Variants in TRIOBP observed in about 807,000 individuals in gnomAD.
TRIOBP encodes the protein TRIO and F-actin binding protein, also known as TRIO and F-actin-binding protein.
In TRIOBP, 169 loss-of-function variants were observed where a neutral mutation model predicts 238.8. The observed-to-expected ratio is 0.71, with a 90% confidence interval of 0.62 to 0.80. TRIOBP has a LOEUF of 0.80. Among genes scored for constraint, TRIOBP ranks in the 30% least tolerant of loss-of-function variants. The pLI, the probability that TRIOBP is intolerant of heterozygous loss-of-function variation, is 0.00. For synonymous variants in TRIOBP, 1,150 were observed against 1,274.4 expected, an observed-to-expected ratio of 0.90 and a Z score of 2.08; for missense variants, 2,838 against 3,122.6, an observed-to-expected ratio of 0.91 and a Z score of 2.17.
chr22:37,749,687 C>T (rs1925475819), intron 11 of TRIOBP, among the ~76,000 whole-genome samples: 1 of 149,842 alleles, frequency 6.7e-6, no homozygotes, highest in African/African-American at 2.5e-5. Context: ...TGGCTCACAC[C>T]TATAATCCCA....
chr22:37,732,068 G>A lies in TRIOBP; in HGVS notation c.3948-1230G>A, dbSNP rs554691086. On this transcript the variant is annotated intron_variant, in intron 7 of 23. Transcript: ENST00000644935. The stretch of plus-strand genomic sequence containing the variant: ...GCTTCTCTTCCTGGTTCAGTTCATC[G>A]ACCAAAGACATGGCTCCATTTGCTA... Among the ~76,000 whole-genome samples the A allele has an allele frequency of 2.4e-4, 37 of 152,272 alleles. No homozygotes were observed. In the South Asian group the frequency reaches 7.5e-3, roughly 31 times the overall value.
chr22:37,770,832 G>C (rs1051487408), intron 21 of TRIOBP, among the ~76,000 whole-genome samples: 6 of 151,868 alleles, frequency 4.0e-5, no homozygotes, highest in African/African-American at 1.2e-4. Flanking sequence ...ACAGGCACCC[G>C]CCACCACACC....
At position 37,724,529 on chromosome 22, in the gene TRIOBP, C is replaced by A; in HGVS notation, c.1973C>A (p.Pro658His). 1 of 1,602,152 alleles carries A rather than the reference C, an allele frequency of 6.2e-7. No individual in the cohort carries two copies. Among genetic ancestry groups the A allele is most frequent in the African/African-American group, 1.4e-5 (1 of 73,300 alleles). ...ACATCCTGTGCCCGACGGGACGATC[C>A]CAGAGCCTCCTCTCCTAACAGAACC... is the stretch of plus-strand genomic sequence containing the variant. ...PRTSCARRDD[P>H]RASSPNRTIQ... Residue 658 changes from proline to histidine, a missense_variant, in exon 7 of 24, where the codon CCC becomes CAC. Pro to His is a moderately conservative substitution (Grantham distance 77, BLOSUM62 -2). Around this residue, in one of 5 missense-constraint regions of TRIOBP, gnomAD observed 167 missense variants for 200.2 expected, o/e 0.83. Transcript: ENST00000644935.
intron 17 of TRIOBP, chr22:37,759,470 G>A (rs1160768762): frequency 3.9e-6 from 6 of 1,551,468 alleles, no homozygotes; most frequent in Non-Finnish European, 5.3e-6. Flanking sequence ...TGAGCTCTGA[G>A]AGGTTATGTG....
chr22:37,748,200 A>G (rs1925384043), intron 11 of TRIOBP, among the ~76,000 whole-genome samples: 2 of 152,176 alleles, frequency 1.3e-5, no homozygotes. Flanking sequence ...GGCTATGATC[A>G]CCATTAATAG....
rs1315015232 is a variant in TRIOBP, at chr22:37,775,148, G to A, written c.*1368G>A. ...CAGAAACAGGCCACATCCAGTAGGGGTCCTGGAAGGCTGTGAGAACCCAGA... is the reference window on the plus strand; with the variant it reads ...CAGAAACAGGCCACATCCAGTAGGGATCCTGGAAGGCTGTGAGAACCCAGA... On this transcript the variant is annotated 3_prime_UTR_variant, in exon 24 of 24. Transcript: ENST00000644935. 1 of 152,188 alleles carries A rather than the reference G, an allele frequency of 6.6e-6. No homozygotes were observed. Among genetic ancestry groups the A allele is most frequent in the East Asian group, 1.9e-4 (1 of 5,182 alleles). The allele number at this position is 152,188 out of a possible 1,614,324, so 9.4% of individuals were successfully genotyped here.
chr22:37,757,271 G>A (rs928157357), intron 15 of TRIOBP, among the ~76,000 whole-genome samples: 27 of 152,166 alleles, frequency 1.8e-4, no homozygotes, highest in Non-Finnish European at 3.7e-4. Flanking sequence ...GCCGAGGCAG[G>A]AGGATCACTT....
chr22:37,770,481 G>T (rs535564077), intron 21 of TRIOBP, among the ~76,000 whole-genome samples: 161 of 149,902 alleles, frequency 1.1e-3, no homozygotes, highest in African/African-American at 3.7e-3. Context: ...AAAAAAAAGC[G>T]ATTATCCTGC....
intron 9 of TRIOBP, among the ~76,000 whole-genome samples, chr22:37,737,704 G>A (rs1324923134): frequency 6.6e-6 from 1 of 150,552 alleles, no homozygotes; most frequent in Non-Finnish European, 1.5e-5. Context: ...ACTCAAGGCC[G>A]GCTTCCCTTC....
intron 17 of TRIOBP, chr22:37,759,858 G>A: frequency 1.1e-6 from 1 of 887,826 alleles, no homozygotes; most frequent in Non-Finnish European, 1.5e-6. Context: ...GAAAAAACGT[G>A]TGTGTGTACA....
At chr22:37,769,864 G>A (rs190819746) in intron 21 of TRIOBP, among the ~76,000 whole-genome samples, 397 of 151,782 alleles carry the variant, frequency 2.6e-3, no homozygotes, top group Admixed American at 4.4e-3. Context: ...AAGTAGCTAG[G>A]ATTACAGGCC....
intron 3 of TRIOBP, among the ~76,000 whole-genome samples, chr22:37,705,720 C>A (rs1312643125): frequency 6.6e-6 from 1 of 151,992 alleles, no homozygotes; most frequent in Non-Finnish European, 1.5e-5. Flanking sequence ...AGACTACAGG[C>A]ATGTACTACC....
At chr22:37,717,141 G>A (rs962838734) in intron 6 of TRIOBP, among the ~76,000 whole-genome samples, 1 of 152,204 alleles carries the variant, frequency 6.6e-6, no homozygotes, top group Non-Finnish European at 1.5e-5. Context: ...TGGCTCAGGA[G>A]TGAAGCTGCA....
At chr22:37,756,782 C>A (rs913002565) in intron 15 of TRIOBP, among the ~76,000 whole-genome samples, 1 of 140,812 alleles carries the variant, frequency 7.1e-6, no homozygotes, top group East Asian at 1.9e-4. Flanking sequence ...GACCACGTAC[C>A]CAGCTATGAC....
At chr22:37,740,188 C>T (rs1924868009) in intron 10 of TRIOBP, among the ~76,000 whole-genome samples, 1 of 152,248 alleles carries the variant, frequency 6.6e-6, no homozygotes, top group Non-Finnish European at 1.5e-5. Context: ...TCCAAAGAGT[C>T]TGCAGATTCC....
chr22:37,734,879 C>A lies in TRIOBP; in HGVS notation c.4543C>A (p.Pro1515Thr). The A allele has an allele frequency of 1.9e-6, 3 of 1,613,148 alleles. No homozygotes were observed. Among genetic ancestry groups the A allele is most frequent in the Non-Finnish European group, 2.5e-6 (3 of 1,180,006 alleles). ...AGGAAAGAGAAGCCCACTCACGAGCCCCCCTGAGAACTGGGGAGGCCCCGC... is the reference window on the plus strand; with the variant it reads ...AGGAAAGAGAAGCCCACTCACGAGCACCCCTGAGAACTGGGGAGGCCCCGC... ...ELGKRSPLTSPPENWGGPAES... is the reference protein window; with the variant it reads ...ELGKRSPLTSTPENWGGPAES... Residue 1515 changes from proline (P) to threonine (T), a missense_variant, in exon 9 of 24, where the codon CCC (proline) becomes ACC (threonine). Around this residue, in one of 5 missense-constraint regions of TRIOBP, gnomAD observed 2,096 missense variants for 2,137.4 expected, o/e 0.98. Coordinates refer to ENST00000644935, the MANE Select transcript of TRIOBP (RefSeq NM_001039141.3).
intron 11 of TRIOBP, chr22:37,746,530 C>G: frequency 1.0e-6 from 1 of 989,976 alleles, no homozygotes; most frequent in Non-Finnish European, 1.3e-6. Flanking sequence ...TTCCCGAAGG[C>G]GAGAGGAGGG....
At chr22:37,702,858 G>A (rs1254406879) in intron 3 of TRIOBP, among the ~76,000 whole-genome samples, 1 of 151,734 alleles carries the variant, frequency 6.6e-6, no homozygotes, top group Admixed American at 6.6e-5. Flanking sequence ...GCCAGGGCTG[G>A]TCTCAAATTC....
chr22:37,765,005 G>A (rs1038790403), intron 17 of TRIOBP, among the ~76,000 whole-genome samples: 4 of 152,182 alleles, frequency 2.6e-5, no homozygotes, highest in South Asian at 2.1e-4. Context: ...ATTCCAGGCC[G>A]GGCACAGTGG....
Sources: allele counts gnomAD v4.1 joint callset (sites outside exome capture counted in the v4.1 genomes callset), GRCh38; gene constraint gnomAD v4.1.1; regional missense constraint gnomAD v4.1.1; transcripts MANE v1.5; gene names NCBI Gene and HGNC (gene_info 2026-07-23, HGNC 2026-07-21).